The following TEX261 variants were observed in gnomAD, a reference collection of about 807,000 sequenced individuals.
TEX261 encodes the protein testis expressed 261.
In TEX261, 13 loss-of-function variants were observed where a neutral mutation model predicts 25.1. The observed-to-expected ratio is 0.52, with a 90% confidence interval of 0.34 to 0.82. The LOEUF is 0.82. TEX261 is among the 40% of genes least tolerant of loss of function. The pLI is 0.02. For synonymous variants in TEX261, 92 were observed against 97.8 expected (o/e 0.94, Z 0.35); for missense variants, 206 against 243.2 (o/e 0.85, Z 1.02).
At chr2:70,993,619 GCCAAACTCTCC>G (rs1285080300) in intron 2 of TEX261, 66 bp downstream of exon 2, 6 of 1,197,548 alleles carry the variant, frequency 5.0e-6, no homozygotes, top group Non-Finnish European at 3.7e-6. Flanking sequence ...CATCATCCAT[GCCAAACTCTCC>G]CCACTTCCTG....
At chr2:70,991,321 C>T (rs985593334) in intron 3 of TEX261, among the ~76,000 whole-genome samples, 21 of 152,188 alleles carry the variant, frequency 1.4e-4, no homozygotes, top group Admixed American at 9.8e-4. Flanking sequence ...GGCTCAAGCC[C>T]GAGGCAGCGG....
intron 2 of TEX261, 43 bp downstream of exon 2, chr2:70,993,653 G>A (rs1670347052): frequency 6.6e-7 from 1 of 1,521,822 alleles, no homozygotes; most frequent in African/African-American, 1.4e-5. Context: ...TTTGAGGCAG[G>A]GCAAAAGAGT....
chr2:70,992,272 C>T (rs1256964207), intron 2 of TEX261, among the ~76,000 whole-genome samples: 1 of 151,990 alleles, frequency 6.6e-6, no homozygotes, highest in Non-Finnish European at 1.5e-5. Context: ...TACAGGCATG[C>T]ACAACCACGC....
rs1204237622 is a variant in TEX261, at chr2:70,993,749, G to T, written c.97C>A (p.Leu33Met). 1.2e-6 allele frequency: 2 copies of T among 1,613,108 alleles called. No homozygotes were observed. The highest frequency in any genetic ancestry group is 2.7e-5 in the African/African-American group (2 of 74,868). The change falls in exon 2 of 6, where the codon CTG (leucine) becomes ATG (methionine). Residue 33 changes from leucine (L) to methionine (M), a missense_variant. Physicochemically the swap from Leu to Met is conservative, Grantham distance 15 (BLOSUM62 2). Coordinates refer to ENST00000272438, the MANE Select transcript of TEX261 (RefSeq NM_144582.3). ...VAAGLYYLAE[L>M]IEEYTVATSR... ...GTGGCCACTGTGTATTCTTCTATCAGTTCTGCCAGGTAATAGAGTCCAGCC... is the reference window on the plus strand; with the variant it reads ...GTGGCCACTGTGTATTCTTCTATCATTTCTGCCAGGTAATAGAGTCCAGCC...
intron 2 of TEX261, among the ~76,000 whole-genome samples, chr2:70,992,509 C>G (rs1211159981): frequency 6.6e-6 from 1 of 152,146 alleles, no homozygotes; most frequent in African/African-American, 2.4e-5. Context: ...GCAGGCAGAT[C>G]ACCTGAGGTT....
At chr2:70,994,434 G>C (rs934347543) in intron 1 of TEX261, 1 of 552,684 alleles carries the variant, frequency 1.8e-6, no homozygotes. Flanking sequence ...CGCAGACGCG[G>C]GGGCGGCACT....
intron 1 of TEX261, among the ~76,000 whole-genome samples, chr2:70,994,273 A>T (rs1419836529): frequency 6.6e-6 from 1 of 152,242 alleles, no homozygotes; most frequent in African/African-American, 2.4e-5. Flanking sequence ...ATCTCAACTG[A>T]GGCCGAATGG....
chr2:70,986,500 T>C lies in TEX261; in HGVS notation c.*2100A>G, dbSNP rs183582012. The C allele has an allele frequency of 3.3e-5, 5 of 152,760 alleles. No individual in the cohort carries two copies. Among genetic ancestry groups the C allele is most frequent in the African/African-American group, 1.2e-4 (5 of 41,562 alleles). The allele number at this position is 152,760 out of a possible 1,614,324, so 9.5% of individuals were successfully genotyped here. A position where few individuals can be genotyped will look rare whatever the true frequency, so the allele number is the denominator to read the frequency against. On this transcript the variant is annotated 3_prime_UTR_variant, in exon 6 of 6. Coordinates refer to ENST00000272438, the MANE Select transcript of TEX261 (RefSeq NM_144582.3). Reference sequence around the variant, plus strand: ...TAGGAGGCTGTCACGATAATCCAGGTGAAAGCTGATGACAGTGGGAGTGGC... The same window carrying C: ...TAGGAGGCTGTCACGATAATCCAGGCGAAAGCTGATGACAGTGGGAGTGGC...
chr2:70,992,273 ACAAC>A (rs542093779), intron 2 of TEX261, among the ~76,000 whole-genome samples: 33 of 151,968 alleles, frequency 2.2e-4, no homozygotes, highest in Admixed American at 3.9e-4. Flanking sequence ...ACAGGCATGC[ACAAC>A]CACGCCCAGC....
At chr2:70,994,539 AG>A in intron 1 of TEX261, 148 bp downstream of exon 1, 1 of 1,151,322 alleles carries the variant, frequency 8.7e-7, no homozygotes, top group Non-Finnish European at 1.2e-6. Context: ...CAGGAGGGGC[AG>A]GATCAGGCGG....
At chr2:70,993,861 C>A in intron 1 of TEX261, 86 bp from the exon 2 acceptor site, 1 of 1,040,760 alleles carries the variant, frequency 9.6e-7, no homozygotes, top group Non-Finnish European at 1.5e-6. Flanking sequence ...AGTCCCCATC[C>A]ACCCTTCATG....
chr2:70,989,814 G>A lies in TEX261; in HGVS notation c.307C>T (p.Leu103=), dbSNP rs1189352497. ...GCTAGGTAATGATTCACCACCACTAGTCCTGTTGAGGGAATGAAGAGTCAG... is the reference window on the plus strand; with the variant it reads ...GCTAGGTAATGATTCACCACCACTAATCCTGTTGAGGGAATGAAGAGTCAG... ...TSPNFILSCG[L]VVVNHYLAFQ... Residue 103 remains leucine, a splice_region_variant and synonymous_variant, in exon 4 of 6, where the codon CTA becomes TTA. Transcript: ENST00000272438. 1.2e-6 allele frequency: 2 copies of A among 1,610,084 alleles called. No individual in the cohort carries two copies. The highest frequency in any genetic ancestry group is 1.7e-6 in the Non-Finnish European group (2 of 1,176,388).
chr2:70,989,108 G>T, intron 4 of TEX261, 91 bp from the exon 5 acceptor site: 1 of 1,110,928 alleles, frequency 9.0e-7, no homozygotes, highest in Non-Finnish European at 1.3e-6. Flanking sequence ...GAGTGCACAG[G>T]GGGCCACACC....
rs201866499 is a variant in TEX261 at position 70,991,959 on chromosome 2, G to C, written c.175C>G (p.Leu59Val). The change falls in exon 3 of 6, where the codon CTC becomes GTC. Residue 59 changes from leucine to valine, a missense_variant. Physicochemically the swap from Leu to Val is conservative, Grantham distance 32. Transcript: ENST00000272438. The stretch of plus-strand genomic sequence containing the variant: ...GTGGGGAAGCGCTCAAAGACGTAGA[G>C]GCCAATCAGTACAGCGGTGGAGAAC... ...IWFSTAVLIG[L>V]YVFERFPTSM... is the part of the protein sequence containing the mutation. 6.2e-7 allele frequency: 1 copy of C among 1,611,140 alleles called. No homozygotes were observed. Among genetic ancestry groups the C allele is most frequent in the Non-Finnish European group, 8.5e-7 (1 of 1,178,348 alleles).
chr2:70,988,287 C>T lies in TEX261; in HGVS notation c.*313G>A, dbSNP rs1670227860. 2 of 331,830 alleles carry T rather than the reference C, an allele frequency of 6.0e-6. No homozygotes were observed. The highest frequency in any genetic ancestry group is 1.1e-5 in the Non-Finnish European group (2 of 175,842). 20.6% of individuals were successfully genotyped at this position (331,830 alleles called of 1,614,324 possible). A position where few individuals can be genotyped will look rare whatever the true frequency, so the allele number is the denominator to read the frequency against. On this transcript the variant is annotated 3_prime_UTR_variant, in exon 6 of 6. Transcript: ENST00000272438. ...GCTCTTAAGCTTCACAGACCCTGCC[C>T]TGCCTGCCCCAGCGGGGCCAGAACC...
At chr2:70,994,549 G>A (rs1315918814) in intron 1 of TEX261, 139 bp downstream of exon 1, 20 of 1,259,398 alleles carry the variant, frequency 1.6e-5, no homozygotes, top group Non-Finnish European at 2.2e-5. Flanking sequence ...AGGATCAGGC[G>A]GGAAGGGGTT....
In TEX261 at chr2:70,989,276, G is replaced by GTT. The variant is rs1553425338; in HGVS notation, c.373-260_373-259insAA. The GTT allele has an allele frequency of 2.0e-5, 11 of 543,708 alleles. No individual in the cohort carries two copies. In the Admixed American group the frequency reaches 3.4e-4, roughly 17 times the overall value. The allele number at this position is 543,708 out of a possible 1,614,324, so 33.7% of individuals were successfully genotyped here. A position where few individuals can be genotyped will look rare whatever the true frequency, so the allele number is the denominator to read the frequency against. The stretch of plus-strand genomic sequence containing the variant: ...CAAGCAACTCCCCTGGACTGAAGGA[G>GTT]GCAGACAAAGTGCTAAGCCATGACT... On this transcript the variant is annotated intron_variant, in intron 4 of 5. Transcript: ENST00000272438.
rs894506902 is a variant in TEX261 at position 70,986,123 on chromosome 2, G to A, written c.*2477C>T. ...TGTAGTATGCCAGGGTGGGGGTCGG[G>A]AGGAGAGAGTATAGCCAAAGCTCCT... On this transcript the variant is annotated 3_prime_UTR_variant, in exon 6 of 6. Transcript: ENST00000272438. 4 of 152,478 alleles carry A rather than the reference G, an allele frequency of 2.6e-5. No individual in the cohort carries two copies. The highest frequency in any genetic ancestry group is 9.6e-5 in the African/African-American group (4 of 41,568). The allele number at this position is 152,478 out of a possible 1,614,324, so 9.4% of individuals were successfully genotyped here. A position where few individuals can be genotyped will look rare whatever the true frequency, so the allele number is the denominator to read the frequency against.
intron 1 of TEX261, 60 bp from the exon 2 acceptor site, chr2:70,993,835 C>A: frequency 7.4e-7 from 1 of 1,353,316 alleles, no homozygotes; most frequent in Non-Finnish European, 1.1e-6. Context: ...CCTGGTCACC[C>A]CTCTCTCTGC....
Sources: allele counts gnomAD v4.1 joint callset (sites outside exome capture counted in the v4.1 genomes callset), GRCh38; gene constraint gnomAD v4.1.1; transcripts MANE v1.5; gene names NCBI Gene and HGNC (gene_info 2026-07-23, HGNC 2026-07-21).